TFCP2L1: variants seen among roughly 807,000 people sequenced by gnomAD.
TFCP2L1 encodes the protein transcription factor CP2-like protein 1.
A neutral mutation model predicts 72.2 loss-of-function variants in TFCP2L1; 12 were observed. The ratio of observed to expected loss-of-function variants is 0.17; its 90% CI spans 0.11 to 0.27. The LOEUF is 0.27. TFCP2L1 is among the 10% of genes least tolerant of loss of function. TFCP2L1 has a pLI of 1.00. For missense variants in TFCP2L1, 488 were observed against 624.6 expected (o/e 0.78, Z 2.33); for synonymous variants, 260 against 251.0 (o/e 1.04, Z -0.34).
At chr2:121,275,398 CAAAAAAA>C (rs575514638) in intron 2 of TFCP2L1, among the ~76,000 whole-genome samples, 6 of 65,728 alleles carry the variant, frequency 9.1e-5, no homozygotes, top group South Asian at 6.6e-4. Context: ...GACTCCATCT[CAAAAAAA>C]AAAAAAAAAA....
chr2:121,254,725 T>A (rs1686681653), intron 2 of TFCP2L1, among the ~76,000 whole-genome samples: 1 of 151,706 alleles, frequency 6.6e-6, no homozygotes, highest in South Asian at 2.1e-4. Context: ...GTTGCTTGTA[T>A]CTGCAAGGCA....
At chr2:121,284,656 G>A (rs1041902317) in intron 1 of TFCP2L1, among the ~76,000 whole-genome samples, 17 of 152,220 alleles carry the variant, frequency 1.1e-4, no homozygotes, top group Non-Finnish European at 1.9e-4. Context: ...GAACTTCCCC[G>A]GGCCGGGCAC....
chr2:121,266,993 A>G (rs1686945908), intron 2 of TFCP2L1, among the ~76,000 whole-genome samples: 5 of 151,696 alleles, frequency 3.3e-5, no homozygotes, highest in Admixed American at 2.6e-4. Context: ...GCTCACGGCA[A>G]TCTCTGCCTC....
intron 2 of TFCP2L1, among the ~76,000 whole-genome samples, chr2:121,268,231 G>A (rs562607890): frequency 1.2e-4 from 18 of 152,304 alleles, no homozygotes; most frequent in African/African-American, 4.1e-4. Context: ...TTTGGAAAGC[G>A]TTTGTTCTTT....
chr2:121,257,106 C>G (rs762117389), intron 2 of TFCP2L1, among the ~76,000 whole-genome samples: 53 of 152,198 alleles, frequency 3.5e-4, no homozygotes, highest in Non-Finnish European at 7.3e-5. Flanking sequence ...TAAAAGCTAG[C>G]AGGGAAGGAG....
intron 2 of TFCP2L1, among the ~76,000 whole-genome samples, chr2:121,267,965 C>T (rs1347358351): frequency 6.6e-6 from 1 of 152,164 alleles, no homozygotes; most frequent in African/African-American, 2.4e-5. Context: ...AGTTCAACAC[C>T]AACCTGGGCA....
At chr2:121,284,375 T>C (rs1687323473) in intron 1 of TFCP2L1, among the ~76,000 whole-genome samples, 3 of 152,188 alleles carry the variant, frequency 2.0e-5, no homozygotes, top group Non-Finnish European at 2.9e-5. Flanking sequence ...GGGGTCCTAC[T>C]GCTAAGAGGG....
chr2:121,278,948 G>A (rs1040691355), intron 2 of TFCP2L1, among the ~76,000 whole-genome samples: 3 of 151,902 alleles, frequency 2.0e-5, no homozygotes, highest in African/African-American at 2.4e-5. Context: ...AGGTTGCAGT[G>A]AACCGAGATC....
In TFCP2L1 at chr2:121,218,129, C is replaced by T. The variant is rs1007488921; in HGVS notation, c.*6212G>A. The T allele has an allele frequency of 8.5e-5, 13 of 152,182 alleles. No homozygotes were observed. Among genetic ancestry groups the T allele is most frequent in the African/African-American group, 2.2e-4 (9 of 41,448 alleles). The allele number at this position is 152,182 out of a possible 1,614,324, so 9.4% of individuals were successfully genotyped here. Reference sequence around the variant, plus strand: ...AGTAGTCAGCAGACTTTTTCTGTAACGGGCTAGACGGTAAATATTTTGGGC... The same window carrying T: ...AGTAGTCAGCAGACTTTTTCTGTAATGGGCTAGACGGTAAATATTTTGGGC... On this transcript the variant is annotated 3_prime_UTR_variant, in exon 15 of 15. Coordinates refer to ENST00000263707, the MANE Select transcript of TFCP2L1 (RefSeq NM_014553.3).
At chr2:121,233,988 G>A (rs1686194908) in intron 12 of TFCP2L1, 103 bp downstream of exon 12, 2 of 1,039,628 alleles carry the variant, frequency 1.9e-6, no homozygotes, top group Non-Finnish European at 2.9e-6. Flanking sequence ...GCCCAGGACT[G>A]TCCTGCACAT....
intron 2 of TFCP2L1, among the ~76,000 whole-genome samples, chr2:121,260,391 T>C (rs1383541036): frequency 1.3e-5 from 2 of 152,166 alleles, no homozygotes; most frequent in African/African-American, 4.8e-5. Context: ...TTTGCAGAAG[T>C]CTTGTGAGGA....
intron 13 of TFCP2L1, among the ~76,000 whole-genome samples, chr2:121,229,048 T>G (rs180831193): frequency 1.6e-4 from 25 of 152,146 alleles, no homozygotes; most frequent in Admixed American, 1.4e-3. Flanking sequence ...GCCTCCCGAA[T>G]AGCTGGGATT....
intron 11 of TFCP2L1, among the ~76,000 whole-genome samples, chr2:121,234,486 G>GT (rs1191740060): frequency 2.2e-4 from 33 of 152,298 alleles, no homozygotes; most frequent in Non-Finnish European, 1.3e-4. Context: ...CAGAACATGC[G>GT]TAACTCATTT....
chr2:121,252,775 A>AATG (rs561341789), intron 2 of TFCP2L1, among the ~76,000 whole-genome samples: 1 of 152,302 alleles, frequency 6.6e-6, no homozygotes, highest in South Asian at 2.1e-4. Flanking sequence ...GTTTTAAGTT[A>AATG]ATGCATCTAT....
intron 5 of TFCP2L1, 52 bp downstream of exon 5, chr2:121,248,112 G>T (rs1465313946): frequency 2.6e-6 from 4 of 1,535,042 alleles, no homozygotes; most frequent in Middle Eastern, 1.7e-4. Context: ...CTGCACGCAG[G>T]CCACCCCAAA....
At chr2:121,249,787 C>G (rs754109264) in intron 2 of TFCP2L1, 140 bp from the exon 3 acceptor site, 7 of 790,356 alleles carry the variant, frequency 8.9e-6, no homozygotes, top group Non-Finnish European at 1.4e-5. Context: ...AGAAAACCCA[C>G]GACCAGCTCA....
chr2:121,231,723 G>T, intron 13 of TFCP2L1, 103 bp downstream of exon 13: 1 of 1,504,438 alleles, frequency 6.6e-7, no homozygotes, highest in Non-Finnish European at 9.0e-7. Context: ...AGATGAACCT[G>T]TCTGTCACTC....
In TFCP2L1 at chr2:121,217,963, T is replaced by TA. The variant is rs1685863819; in HGVS notation, c.*6377_*6378insT. 6.6e-6 allele frequency: 1 copy of TA among 152,162 alleles called. No homozygotes were observed. Among genetic ancestry groups the TA allele is most frequent in the African/African-American group, 2.4e-5 (1 of 41,416 alleles). The allele number at this position is 152,162 out of a possible 1,614,324, so 9.4% of individuals were successfully genotyped here. A position where few individuals can be genotyped will look rare whatever the true frequency, so the allele number is the denominator to read the frequency against. On this transcript the variant is annotated 3_prime_UTR_variant, in exon 15 of 15. Transcript: ENST00000263707. ...GACACGAGATGCGTGATAGGCAGGGTTAATGCAGAAACCGCTCATCTGAAT... is the reference window on the plus strand; with the variant it reads ...GACACGAGATGCGTGATAGGCAGGGTATAATGCAGAAACCGCTCATCTGAAT...
At chr2:121,245,935 G>A (rs1379638879) in intron 6 of TFCP2L1, among the ~76,000 whole-genome samples, 11 of 152,234 alleles carry the variant, frequency 7.2e-5, no homozygotes, top group African/African-American at 2.7e-4. Context: ...TCCAGCCCCA[G>A]AAGATGGAAC....
Sources: allele counts gnomAD v4.1 joint callset (sites outside exome capture counted in the v4.1 genomes callset), GRCh38; gene constraint gnomAD v4.1.1; transcripts MANE v1.5; gene names NCBI Gene and HGNC (gene_info 2026-07-23, HGNC 2026-07-21).